The following FAXDC2 variants were observed in gnomAD, a reference collection of about 807,000 sequenced individuals.
The protein encoded by FAXDC2 is fatty acid hydroxylase domain-containing protein 2.
In FAXDC2, 41 loss-of-function variants were observed where a neutral mutation model predicts 40.9. That is an observed-to-expected ratio of 1.00 (90% confidence interval 0.78 to 1.30). The LOEUF is 1.30. Among genes scored for constraint, FAXDC2 ranks in the 50% most tolerant of loss-of-function variants. FAXDC2 has a pLI of 0.00. For missense variants in FAXDC2, 390 were observed against 408.8 expected (o/e 0.95, Z 0.40); for synonymous variants, 157 against 149.3 (o/e 1.05, Z -0.38).
chr5:154,820,686 CCTT>C, intron 8 of FAXDC2: 1 of 458,884 alleles, frequency 2.2e-6, no homozygotes, highest in Non-Finnish European at 4.0e-6. Context: ...CTGGAGTCCT[CCTT>C]TGAAAAGCTT....
chr5:154,825,650 C>CAGAAAAAAAAAAAAAAAAAAAAA (rs1760010587), intron 5 of FAXDC2, among the ~76,000 whole-genome samples: 1 of 30,150 alleles, frequency 3.3e-5, no homozygotes, highest in Non-Finnish European at 5.8e-5. Flanking sequence ...GACTCCGTCT[C>CAGAAAAAAAAAAAAAAAAAAAAA]AAAAAAAAAA....
intron 1 of FAXDC2, among the ~76,000 whole-genome samples, chr5:154,848,892 G>C (rs1475790374): frequency 6.6e-6 from 1 of 151,826 alleles, no homozygotes; most frequent in Non-Finnish European, 1.5e-5. Context: ...GCTTGAACCT[G>C]GGAGGCGGAG....
At chr5:154,848,364 G>T (rs539774014) in intron 1 of FAXDC2, among the ~76,000 whole-genome samples, 120 of 152,254 alleles carry the variant, frequency 7.9e-4, no homozygotes, top group African/African-American at 2.9e-3. Context: ...GCAAAATCTA[G>T]GCTTCTTAAC....
chr5:154,820,665 A>G (rs1026605574), intron 8 of FAXDC2, 193 bp from the exon 9 acceptor site: 4 of 489,298 alleles, frequency 8.2e-6, no homozygotes, highest in African/African-American at 6.1e-5. Context: ...CAAACCTGCA[A>G]TTTGCCGTAT....
rs1759927356 is a variant in FAXDC2 at position 154,823,025 on chromosome 5, T to A, written c.572+362A>T. On this transcript the variant is annotated intron_variant, in intron 6 of 8. Transcript: ENST00000326080. ...GAAGCCTGTTCCCTTTTATTTTTTTTCTTTGAGACAAGGTCTTGCTCTTTC... is the reference window on the plus strand; with the variant it reads ...GAAGCCTGTTCCCTTTTATTTTTTTACTTTGAGACAAGGTCTTGCTCTTTC... Among the ~76,000 whole-genome samples the A allele has an allele frequency of 2.0e-5, 3 of 152,142 alleles. No homozygotes were observed. In the South Asian group the frequency reaches 6.2e-4, roughly 31 times the overall value.
intron 5 of FAXDC2, among the ~76,000 whole-genome samples, chr5:154,826,454 G>A (rs1340353039): frequency 6.6e-6 from 1 of 151,272 alleles, no homozygotes; most frequent in Admixed American, 6.6e-5. Flanking sequence ...GCTTGAACCC[G>A]GGAGACAGAG....
chr5:154,824,422 C>T (rs747607323), intron 5 of FAXDC2: 10 of 693,580 alleles, frequency 1.4e-5, no homozygotes, highest in Non-Finnish European at 1.8e-5. Flanking sequence ...TGCCCCAAAG[C>T]GCGACAGGTT....
At chr5:154,841,504 A>G (rs1230877301) in intron 1 of FAXDC2, among the ~76,000 whole-genome samples, 1 of 152,132 alleles carries the variant, frequency 6.6e-6, no homozygotes, top group African/African-American at 2.4e-5. Flanking sequence ...GCCTAAACCA[A>G]TTGTAAACAC....
At chr5:154,832,403 C>T (rs1219559036) in intron 4 of FAXDC2, among the ~76,000 whole-genome samples, 1 of 152,072 alleles carries the variant, frequency 6.6e-6, no homozygotes, top group African/African-American at 2.4e-5. Flanking sequence ...TTAGTAGAGA[C>T]GGGGTTTCAC....
chr5:154,843,382 C>T (rs1028210866), intron 1 of FAXDC2, among the ~76,000 whole-genome samples: 4 of 152,146 alleles, frequency 2.6e-5, no homozygotes, highest in African/African-American at 4.8e-5. Flanking sequence ...AAAACATTTA[C>T]GAACTTACTA....
At chr5:154,831,232 G>A (rs1217479178) in intron 4 of FAXDC2, 2 of 216,144 alleles carry the variant, frequency 9.3e-6, no homozygotes, top group African/African-American at 2.3e-5. Flanking sequence ...ATGAATTCAG[G>A]TTGACATTTG....
chr5:154,830,975 T>G, intron 4 of FAXDC2, 53 bp from the exon 5 acceptor site: 10 of 1,603,118 alleles, frequency 6.2e-6, no homozygotes, highest in Non-Finnish European at 6.8e-6. Flanking sequence ...TCACAGCACA[T>G]AGACTAACAG....
intron 1 of FAXDC2, among the ~76,000 whole-genome samples, chr5:154,839,585 C>T (rs1443373505): frequency 2.0e-5 from 3 of 151,500 alleles, no homozygotes; most frequent in Non-Finnish European, 4.4e-5. Flanking sequence ...GAGATGGAGG[C>T]TGCAATGAGC....
Position 154,820,931 on chromosome 5 carries a change from A to ATC in FAXDC2, c.845+328_845+329insGA, listed in dbSNP as rs1759871501. Reference sequence around the variant, plus strand: ...AGGAGGTTTGTAGACTACACTTGAAAAAGTCTGGGGCTTTCAGAGATACAT... The same window carrying ATC: ...AGGAGGTTTGTAGACTACACTTGAAATCAAGTCTGGGGCTTTCAGAGATACAT... On this transcript the variant is annotated intron_variant, in intron 8 of 8. Coordinates refer to ENST00000326080, the MANE Select transcript of FAXDC2 (RefSeq NM_032385.5). 6 of 307,008 alleles carry ATC rather than the reference A, an allele frequency of 2.0e-5. No individual in the cohort carries two copies. The South Asian group carries it at 3.1e-4, about 16-fold the overall frequency. 19.0% of individuals were successfully genotyped at this position (307,008 alleles called of 1,614,324 possible). A position where few individuals can be genotyped will look rare whatever the true frequency, so the allele number is the denominator to read the frequency against.
At chr5:154,835,685 A>G (rs1476975485) in intron 2 of FAXDC2, among the ~76,000 whole-genome samples, 1 of 151,614 alleles carries the variant, frequency 6.6e-6, no homozygotes, top group Non-Finnish European at 1.5e-5. Context: ...GGTTCATGCC[A>G]TTCTCCTGCC....
intron 1 of FAXDC2, among the ~76,000 whole-genome samples, chr5:154,845,494 C>T (rs1467814257): frequency 6.6e-6 from 1 of 152,074 alleles, no homozygotes; most frequent in Non-Finnish European, 1.5e-5. Flanking sequence ...GTGTCTCATG[C>T]CTATCATCCC....
At chr5:154,833,723 C>T (rs1368164903) in intron 4 of FAXDC2, among the ~76,000 whole-genome samples, 4 of 151,578 alleles carry the variant, frequency 2.6e-5, no homozygotes, top group African/African-American at 7.3e-5. Flanking sequence ...AGCTGGAGTG[C>T]AGTGTCATGA....
intron 2 of FAXDC2, among the ~76,000 whole-genome samples, chr5:154,835,883 C>CTTTTTTTTTTTT (rs869068025): frequency 1.3e-4 from 6 of 47,868 alleles, no homozygotes; most frequent in Non-Finnish European, 2.0e-4. Context: ...GCCCGGCCGA[C>CTTTTTTTTTTTT]TTTTTTTTTT....
rs386358555 is a variant in FAXDC2 at position 154,825,650 on chromosome 5, C to CAA, written c.367-2060_367-2059dup. Among the ~76,000 whole-genome samples, 30 of 30,150 alleles carry CAA rather than the reference C, an allele frequency of 1.0e-3. 4 individuals carry two copies. Among genetic ancestry groups the CAA allele is most frequent in the Admixed American group, 3.8e-3 (9 of 2,358 alleles). 19.8% of individuals were successfully genotyped at this position (30,150 alleles called of 152,430 possible). A position where few individuals can be genotyped will look rare whatever the true frequency, so the allele number is the denominator to read the frequency against. ...TGGGTGACAGAGTGAGACTCCGTCT[C>CAA]AAAAAAAAAAAAAAAAAAGCAGTAA... On this transcript the variant is annotated intron_variant, in intron 5 of 8. Transcript: ENST00000326080.
Sources: allele counts gnomAD v4.1 joint callset (sites outside exome capture counted in the v4.1 genomes callset), GRCh38; gene constraint gnomAD v4.1.1; transcripts MANE v1.5; gene names NCBI Gene and HGNC (gene_info 2026-07-23, HGNC 2026-07-21).